The following CARMIL1 variants were observed in gnomAD, a reference collection of about 807,000 sequenced individuals.
The protein encoded by CARMIL1 is capping protein regulator and myosin 1 linker 1.
CARMIL1 carries 90 observed loss-of-function variants against 177.1 expected under a neutral mutation model. The ratio of observed to expected loss-of-function variants is 0.51; its 90% CI spans 0.43 to 0.61. The LOEUF is 0.61. Ranked by LOEUF, CARMIL1 falls within the 20% of genes least tolerant of loss-of-function variation. CARMIL1 has a pLI of 0.00. For synonymous variants in CARMIL1, 577 were observed against 606.2 expected, an observed-to-expected ratio of 0.95 and a Z score of 0.71; for missense variants, 1,380 against 1,667.0, an observed-to-expected ratio of 0.83 and a Z score of 3.00.
chr6:25,299,420 C>T (rs1021582907), intron 2 of CARMIL1, among the ~76,000 whole-genome samples: 1 of 151,938 alleles, frequency 6.6e-6, no homozygotes, highest in African/African-American at 2.4e-5. Context: ...GATCTGCCCG[C>T]CTCGGCCTCC....
intron 2 of CARMIL1, among the ~76,000 whole-genome samples, chr6:25,318,583 CGT>C (rs1341770820): frequency 4.6e-5 from 7 of 152,158 alleles, no homozygotes; most frequent in African/African-American, 1.7e-4. Flanking sequence ...TTCTCTGCCT[CGT>C]ACCTCAAGTT....
chr6:25,313,908 T>C (rs1186338328), intron 2 of CARMIL1, among the ~76,000 whole-genome samples: 1 of 151,466 alleles, frequency 6.6e-6, no homozygotes, highest in Non-Finnish European at 1.5e-5. Flanking sequence ...AAGCAGGCCC[T>C]CATGAGACTT....
At chr6:25,526,610 TG>T (rs1378691538) in intron 23 of CARMIL1, among the ~76,000 whole-genome samples, 2 of 151,820 alleles carry the variant, frequency 1.3e-5, no homozygotes, top group Non-Finnish European at 2.9e-5. Flanking sequence ...CAGAGTACAG[TG>T]GTGCAGTCAT....
chr6:25,563,686 T>C (rs1271516542), intron 29 of CARMIL1: 1 of 985,204 alleles, frequency 1.0e-6, no homozygotes, highest in Non-Finnish European at 1.2e-6. Flanking sequence ...CCAGGTATTC[T>C]TGGCTTCTTG....
At chr6:25,449,835 T>G in intron 5 of CARMIL1, 63 bp from the exon 6 acceptor site, 3 of 914,612 alleles carry the variant, frequency 3.3e-6, no homozygotes, top group Non-Finnish European at 3.3e-6. Flanking sequence ...GTGACAAAAT[T>G]TATTTCTATG....
At chr6:25,457,284 A>G (rs1466607278) in intron 8 of CARMIL1, among the ~76,000 whole-genome samples, 4 of 152,176 alleles carry the variant, frequency 2.6e-5, no homozygotes, top group Non-Finnish European at 4.4e-5. Context: ...TAGTACATGT[A>G]TATGATTTAT....
chr6:25,419,486 G>C (rs920952770), intron 2 of CARMIL1, among the ~76,000 whole-genome samples: 2 of 152,130 alleles, frequency 1.3e-5, no homozygotes, highest in African/African-American at 4.8e-5. Flanking sequence ...CTAAGTAAAA[G>C]GAACCTATAG....
intron 31 of CARMIL1, among the ~76,000 whole-genome samples, chr6:25,586,972 G>GGAGAGA (rs1813801825): frequency 6.7e-6 from 1 of 148,852 alleles, no homozygotes; most frequent in South Asian, 2.2e-4. Context: ...GAGAGACCGT[G>GGAGAGA]GAGAGAGAGG....
intron 2 of CARMIL1, among the ~76,000 whole-genome samples, chr6:25,342,947 A>G (rs1468507941): frequency 1.3e-5 from 2 of 152,208 alleles, no homozygotes; most frequent in East Asian, 3.8e-4. Flanking sequence ...ATCTGATGCA[A>G]CTATCTGTCT....
intron 2 of CARMIL1, among the ~76,000 whole-genome samples, chr6:25,400,395 T>C (rs1357325173): frequency 6.6e-6 from 1 of 152,182 alleles, no homozygotes; most frequent in Non-Finnish European, 1.5e-5. Context: ...TCCTGCATGA[T>C]TTGGAAGAAT....
intron 26 of CARMIL1, among the ~76,000 whole-genome samples, chr6:25,544,972 A>C (rs539827369): frequency 1.0e-3 from 158 of 152,106 alleles, no homozygotes; most frequent in Non-Finnish European, 1.8e-3. Context: ...CAATTAAACA[A>C]AATTCAAAAT....
chr6:25,567,825 T>C (rs1434209326), intron 29 of CARMIL1, among the ~76,000 whole-genome samples: 1 of 152,234 alleles, frequency 6.6e-6, no homozygotes, highest in African/African-American at 2.4e-5. Flanking sequence ...TGTACTGTTA[T>C]AGTTTAGAAA....
In CARMIL1 at chr6:25,556,715, C is replaced by T. The variant is rs1342649030; in HGVS notation, c.2607C>T (p.Ser869=). ...HCHHKLADHF[S]RRGKTLPQQE... ...TGACCTTCTAGGCTGACCATTTCAG[C>T]AGACGTGGCAAGACCCTTCCTCAAC... Residue 869 remains serine, a synonymous_variant, in exon 29 of 37, where the codon AGC becomes AGT. Transcript: ENST00000329474. 4 of 1,612,910 alleles carry T rather than the reference C, an allele frequency of 2.5e-6. No individual in the cohort carries two copies. Among genetic ancestry groups the T allele is most frequent in the Non-Finnish European group, 3.4e-6 (4 of 1,179,422 alleles).
chr6:25,420,277 C>A, intron 3 of CARMIL1, 113 bp downstream of exon 3: 1 of 915,234 alleles, frequency 1.1e-6, no homozygotes. Context: ...TATACTGCAA[C>A]ACAACACACA....
At chr6:25,345,127 C>T (rs866870472) in intron 2 of CARMIL1, among the ~76,000 whole-genome samples, 3 of 152,104 alleles carry the variant, frequency 2.0e-5, no homozygotes, top group Non-Finnish European at 2.9e-5. Context: ...TTCGGGGCCA[C>T]GGGTAGCATT....
intron 8 of CARMIL1, chr6:25,465,620 T>C (rs1800533168): frequency 4.6e-6 from 2 of 438,732 alleles, no homozygotes; most frequent in South Asian, 7.0e-5. Flanking sequence ...AGGAGGTTTT[T>C]CAAGCAAATT....
chr6:25,411,264 G>A (rs1794883643), intron 2 of CARMIL1, among the ~76,000 whole-genome samples: 1 of 152,148 alleles, frequency 6.6e-6, no homozygotes, highest in East Asian at 1.9e-4. Flanking sequence ...TGCCACATGT[G>A]AGTTCTTAAC....
At chr6:25,406,255 T>C (rs187646129) in intron 2 of CARMIL1, among the ~76,000 whole-genome samples, 6 of 152,258 alleles carry the variant, frequency 3.9e-5, no homozygotes, top group African/African-American at 1.2e-4. Context: ...TGAGTAGGCA[T>C]GAGCCAGGTG....
chr6:25,305,720 A>G (rs2150186853), intron 2 of CARMIL1, among the ~76,000 whole-genome samples: 1 of 152,310 alleles, frequency 6.6e-6, no homozygotes, highest in South Asian at 2.1e-4. Flanking sequence ...ATGGTGCACA[A>G]AATGAAGCAA....
Sources: allele counts gnomAD v4.1 joint callset (sites outside exome capture counted in the v4.1 genomes callset), GRCh38; gene constraint gnomAD v4.1.1; transcripts MANE v1.5; gene names NCBI Gene and HGNC (gene_info 2026-07-23, HGNC 2026-07-21).